DOCK5: variants seen among roughly 807,000 people sequenced by gnomAD.
DOCK5 encodes dedicator of cytokinesis protein 5.
DOCK5 carries 142 observed loss-of-function variants against 251.8 expected under a neutral mutation model. The observed-to-expected ratio is 0.56, with a 90% CI of 0.49 to 0.65. DOCK5 has a LOEUF of 0.65. DOCK5 is among the 30% of genes least tolerant of loss of function. The pLI is 0.00. For synonymous variants in DOCK5, 842 were observed against 835.5 expected (o/e 1.01, Z -0.13); for missense variants, 2,111 against 2,312.3 (o/e 0.91, Z 1.79).
intron 1 of DOCK5, among the ~76,000 whole-genome samples, chr8:25,230,352 G>A (rs1006325948): frequency 2.6e-5 from 4 of 152,126 alleles, no homozygotes; most frequent in African/African-American, 9.7e-5. Context: ...TTGCAACCTG[G>A]GTTGGAGGAA....
chr8:25,219,262 T>A (rs1378229354), intron 1 of DOCK5, among the ~76,000 whole-genome samples: 2 of 152,238 alleles, frequency 1.3e-5, no homozygotes, highest in Non-Finnish European at 2.9e-5. Context: ...TACAGTTTTC[T>A]TTTTCTGGAG....
chr8:25,190,134 G>A (rs936480835), intron 1 of DOCK5, among the ~76,000 whole-genome samples: 4 of 152,136 alleles, frequency 2.6e-5, no homozygotes, highest in Non-Finnish European at 4.4e-5. Flanking sequence ...TGATGTGCCC[G>A]CCTTGGCCTC....
At chr8:25,357,368 A>C (rs549861908) in intron 27 of DOCK5, among the ~76,000 whole-genome samples, 53 of 144,588 alleles carry the variant, frequency 3.7e-4, no homozygotes, top group Admixed American at 3.2e-3. Context: ...AATTGAAAAA[A>C]TAAACTTTTT....
chr8:25,262,414 T>C (rs1165769679), intron 2 of DOCK5, among the ~76,000 whole-genome samples: 30 of 152,176 alleles, frequency 2.0e-4, no homozygotes, highest in Non-Finnish European at 1.5e-5. Context: ...CAAGTTCTCC[T>C]GTGTCCCTTT....
intron 42 of DOCK5, among the ~76,000 whole-genome samples, chr8:25,391,568 G>A (rs1164016237): frequency 6.6e-6 from 1 of 152,080 alleles, no homozygotes; most frequent in Non-Finnish European, 1.5e-5. Context: ...AACTCAGAAA[G>A]TGCAGCCTGC....
rs140076969 is a variant in DOCK5 at position 25,196,103 on chromosome 8, C to T, written c.43+11152C>T. On this transcript the variant is annotated intron_variant, in intron 1 of 51. Coordinates refer to ENST00000276440, the MANE Select transcript of DOCK5 (RefSeq NM_024940.8). The stretch of plus-strand genomic sequence containing the variant: ...AATAAACTGCATAAGCAAAAGATTA[C>T]GTGAATCCTGTGGGGTGGGTGAGGA... 6.6e-5 allele frequency among the ~76,000 whole-genome samples: 10 copies of T among 152,282 alleles called. 1 individual carries two copies. Among genetic ancestry groups the T allele is most frequent in the Admixed American group, 3.9e-4 (6 of 15,296 alleles).
chr8:25,253,030 G>A (rs1229386125), intron 2 of DOCK5, among the ~76,000 whole-genome samples: 1 of 152,144 alleles, frequency 6.6e-6, no homozygotes, highest in African/African-American at 2.4e-5. Flanking sequence ...TGCCATGTTG[G>A]CTAGGCTGGC....
intron 3 of DOCK5, among the ~76,000 whole-genome samples, chr8:25,271,594 A>G (rs1481528251): frequency 1.3e-5 from 2 of 152,210 alleles, no homozygotes; most frequent in East Asian, 3.9e-4. Flanking sequence ...GAGTGATGAT[A>G]AAAGGAGCTA....
chr8:25,324,924 G>T (rs533428500), intron 17 of DOCK5, among the ~76,000 whole-genome samples: 42 of 150,992 alleles, frequency 2.8e-4, no homozygotes, highest in African/African-American at 9.8e-4. Context: ...GTGATAGTTT[G>T]CTGAGAATGA....
In DOCK5 at chr8:25,311,404, G is replaced by A. The variant is rs191711296; in HGVS notation, c.1318+872G>A. Among the ~76,000 whole-genome samples the A allele has an allele frequency of 5.1e-3, 768 of 151,818 alleles. 2 individuals carry two copies. The highest frequency in any genetic ancestry group is 0.017 in the African/African-American group (702 of 41,438). ...TAAAAATACAAAAAATTAGCTGGGT[G>A]TGGTGGCACGTGCCTGTAGTCCCAG... On this transcript the variant is annotated intron_variant, in intron 13 of 51. Transcript: ENST00000276440.
intron 4 of DOCK5, among the ~76,000 whole-genome samples, chr8:25,276,436 A>C (rs774663119): frequency 1.3e-5 from 2 of 152,126 alleles, no homozygotes; most frequent in Non-Finnish European, 2.9e-5. Flanking sequence ...TGAGCTACTT[A>C]GTCTAAGTGG....
At chr8:25,376,454 A>G (rs951914596) in intron 37 of DOCK5, 19 of 773,788 alleles carry the variant, frequency 2.5e-5, no homozygotes, top group Admixed American at 6.3e-5. Flanking sequence ...CTGTCTGTTC[A>G]TGTACCAGTA....
chr8:25,340,566 A>G (rs1805927101), intron 22 of DOCK5, among the ~76,000 whole-genome samples: 1 of 152,246 alleles, frequency 6.6e-6, no homozygotes, highest in South Asian at 2.1e-4. Context: ...TAAGGCAAGC[A>G]TGTATCAGCG....
intron 37 of DOCK5, chr8:25,375,891 A>G: frequency 1.1e-6 from 1 of 881,702 alleles, no homozygotes; most frequent in Non-Finnish European, 1.4e-6. Flanking sequence ...TGGGGTCAGG[A>G]GTTCAAGACC....
intron 5 of DOCK5, among the ~76,000 whole-genome samples, chr8:25,286,597 T>C (rs1013932176): frequency 2.0e-5 from 3 of 152,138 alleles, no homozygotes; most frequent in Admixed American, 6.5e-5. Context: ...GATTCTTTTA[T>C]ACATGGAATG....
chr8:25,369,040 TA>T, intron 33 of DOCK5, among the ~76,000 whole-genome samples: 1 of 152,364 alleles, frequency 6.6e-6, no homozygotes, highest in African/African-American at 2.4e-5. Flanking sequence ...GAATTGAATT[TA>T]AAAACCTATC....
chr8:25,238,337 C>G (rs538081680), intron 1 of DOCK5, among the ~76,000 whole-genome samples: 1 of 152,172 alleles, frequency 6.6e-6, no homozygotes, highest in African/African-American at 2.4e-5. Flanking sequence ...TAATGTGACA[C>G]CTGGCATCCA....
rs571113873 is a variant in DOCK5, at chr8:25,415,180, A to C, written c.*3882A>C. ...CAGTAATAATCCAGCACACATTGAA[A>C]TATTGACACAGATTACCATAATTTG... is the stretch of plus-strand genomic sequence containing the variant. On this transcript the variant is annotated 3_prime_UTR_variant, in exon 52 of 52. Coordinates refer to ENST00000276440, the MANE Select transcript of DOCK5 (RefSeq NM_024940.8). The C allele has an allele frequency of 5.3e-5, 8 of 152,248 alleles. No homozygotes were observed. Among genetic ancestry groups the C allele is most frequent in the Non-Finnish European group, 8.8e-5 (6 of 68,032 alleles). 9.4% of individuals were successfully genotyped at this position (152,248 alleles called of 1,614,324 possible).
intron 13 of DOCK5, among the ~76,000 whole-genome samples, chr8:25,313,191 A>G (rs1339858550): frequency 6.6e-6 from 1 of 151,646 alleles, no homozygotes; most frequent in African/African-American, 2.4e-5. Flanking sequence ...TCTTCCCTGT[A>G]CCCCCTTGCC....
Sources: gnomAD v4.1 joint callset for allele counts (sites outside exome capture counted in the v4.1 genomes callset) on GRCh38, gnomAD v4.1.1 for gene constraint, MANE v1.5 for transcripts, NCBI Gene and HGNC (gene_info 2026-07-23, HGNC 2026-07-21) for gene names.